Variants in PDZD8 observed in about 807,000 individuals in gnomAD.
PDZD8 encodes the protein PDZ domain-containing protein 8.
Under a neutral mutation model 85.8 loss-of-function variants are expected in PDZD8, and 14 were observed. The ratio of observed to expected loss-of-function variants is 0.16; its 90% CI spans 0.11 to 0.26. PDZD8 has a LOEUF of 0.26. Ranked by LOEUF, PDZD8 falls within the 10% of genes least tolerant of loss-of-function variation. The pLI is 1.00. For synonymous variants in PDZD8, 592 were observed against 568.6 expected (o/e 1.04, Z -0.59); for missense variants, 1,197 against 1,424.3 (o/e 0.84, Z 2.57).
In PDZD8 at chr10:117,280,510, TTTA is replaced by T. The variant is rs1430615425; in HGVS notation, c.*2755_*2757del. On this transcript the variant is annotated 3_prime_UTR_variant, in exon 5 of 5. Transcript: ENST00000334464. ...GATATTCTTGTTTTCTGTGGTAGTC[TTTA>T]TTATTATTTTTTAGCTATTGATACA... 1 of 152,206 alleles carries T rather than the reference TTTA, an allele frequency of 6.6e-6. No homozygotes were observed. Among genetic ancestry groups the T allele is most frequent in the South Asian group, 2.1e-4 (1 of 4,830 alleles). 9.4% of individuals were successfully genotyped at this position (152,206 alleles called of 1,614,324 possible). A position where few individuals can be genotyped will look rare whatever the true frequency, so the allele number is the denominator to read the frequency against.
At chr10:117,327,212 A>C (rs1448509756) in intron 2 of PDZD8, among the ~76,000 whole-genome samples, 2 of 152,208 alleles carry the variant, frequency 1.3e-5, no homozygotes, top group African/African-American at 4.8e-5. Context: ...TGAAAGTAGC[A>C]CTAATGCCCT....
rs1412985316 is a variant in PDZD8, at chr10:117,284,208, C to T, written c.2525G>A (p.Ser842Asn). Residue 842 changes from serine to asparagine, a missense_variant, in exon 5 of 5, where the codon AGT becomes AAT. This residue lies in a region of PDZD8 where 418 missense variants were observed against 571.1 expected (regional missense o/e 0.73). Coordinates refer to ENST00000334464, the MANE Select transcript of PDZD8 (RefSeq NM_173791.5). The stretch of plus-strand genomic sequence containing the variant: ...GTTCTGGAACTGAGTATCCTGAAAA[C>T]TGTGTTTGTTTTCTGTTAAACCCAT... ...GQMGLTENKH[S>N]FQDTQFQNPT... 1 of 1,614,188 alleles carries T rather than the reference C, an allele frequency of 6.2e-7. No homozygotes were observed. Among genetic ancestry groups the T allele is most frequent in the African/African-American group, 1.3e-5 (1 of 75,054 alleles).
intron 2 of PDZD8, among the ~76,000 whole-genome samples, chr10:117,330,513 A>C (rs1360211078): frequency 6.6e-6 from 1 of 152,200 alleles, no homozygotes; most frequent in Non-Finnish European, 1.5e-5. Flanking sequence ...ATGGATACAT[A>C]ACTCTCCTAC....
intron 2 of PDZD8, among the ~76,000 whole-genome samples, chr10:117,328,589 CTA>C (rs1031588067): frequency 1.3e-5 from 2 of 151,298 alleles, no homozygotes; most frequent in Non-Finnish European, 1.5e-5. Context: ...TTTTTTTTTT[CTA>C]TGTTTTTGTA....
chr10:117,331,554 CT>C (rs1420744943), intron 2 of PDZD8, among the ~76,000 whole-genome samples: 1 of 152,142 alleles, frequency 6.6e-6, no homozygotes, highest in African/African-American at 2.4e-5. Flanking sequence ...ATTAAAAGCA[CT>C]GATTATCAAA....
chr10:117,356,020 T>G (rs1844888485), intron 1 of PDZD8, among the ~76,000 whole-genome samples: 1 of 152,174 alleles, frequency 6.6e-6, no homozygotes, highest in African/African-American at 2.4e-5. Context: ...TTTTTCTCTT[T>G]TCTAAGACCA....
chr10:117,289,566 C>G (rs562172076), intron 4 of PDZD8, among the ~76,000 whole-genome samples: 4 of 152,312 alleles, frequency 2.6e-5, no homozygotes, highest in Non-Finnish European at 4.4e-5. Flanking sequence ...AGCAAATAAC[C>G]TGCTATCTTC....
chr10:117,339,419 G>C (rs936458752), intron 2 of PDZD8, among the ~76,000 whole-genome samples: 1 of 152,190 alleles, frequency 6.6e-6, no homozygotes, highest in African/African-American at 2.4e-5. Context: ...TCATGGAGCA[G>C]AGAAGGGGGC....
intron 3 of PDZD8, among the ~76,000 whole-genome samples, chr10:117,309,820 C>G (rs777734474): frequency 2.6e-5 from 4 of 152,144 alleles, no homozygotes; most frequent in Non-Finnish European, 4.4e-5. Flanking sequence ...TAAGAAGCAT[C>G]AGTCCCATTT....
Position 117,279,114 on chromosome 10 carries a change from TA to T in PDZD8, c.*4153del, listed in dbSNP as rs770149063. 4 of 152,218 alleles carry T rather than the reference TA, an allele frequency of 2.6e-5. No individual in the cohort carries two copies. Among genetic ancestry groups the T allele is most frequent in the Non-Finnish European group, 4.4e-5 (3 of 68,028 alleles). 9.4% of individuals were successfully genotyped at this position (152,218 alleles called of 1,614,324 possible). A position where few individuals can be genotyped will look rare whatever the true frequency, so the allele number is the denominator to read the frequency against. ...TGGTCCCTCGGGATAAGATAAAATA[TA>T]AATAAAACCTTCAGAACTGTTTTGG... On this transcript the variant is annotated 3_prime_UTR_variant, in exon 5 of 5. Coordinates refer to ENST00000334464, the MANE Select transcript of PDZD8 (RefSeq NM_173791.5).
intron 3 of PDZD8, among the ~76,000 whole-genome samples, chr10:117,302,868 CT>C (rs1415260390): frequency 6.6e-6 from 1 of 152,204 alleles, no homozygotes; most frequent in Non-Finnish European, 1.5e-5. Flanking sequence ...TAAGAAGTGC[CT>C]TTTGCCTCCT....
intron 1 of PDZD8, among the ~76,000 whole-genome samples, chr10:117,356,870 C>G (rs780214993): frequency 6.6e-6 from 1 of 152,164 alleles, no homozygotes; most frequent in Non-Finnish European, 1.5e-5. Flanking sequence ...GGAGTACACC[C>G]TGCTCCCCCT....
At chr10:117,295,479 T>A (rs1345359682) in intron 3 of PDZD8, among the ~76,000 whole-genome samples, 3 of 138,660 alleles carry the variant, frequency 2.2e-5, no homozygotes, top group African/African-American at 7.6e-5. Context: ...ATTAAATTCA[T>A]AATTATAAGC....
At chr10:117,325,561 C>G (rs1035124354) in intron 2 of PDZD8, among the ~76,000 whole-genome samples, 1 of 151,806 alleles carries the variant, frequency 6.6e-6, no homozygotes, top group Non-Finnish European at 1.5e-5. Flanking sequence ...TGCCACCATG[C>G]CTGGCTAATT....
At chr10:117,295,726 C>T (rs998887661) in intron 3 of PDZD8, among the ~76,000 whole-genome samples, 3 of 151,912 alleles carry the variant, frequency 2.0e-5, no homozygotes, top group Admixed American at 1.3e-4. Context: ...TGTAATTTAT[C>T]GTGTTAACAA....
chr10:117,303,190 T>C (rs1843876935), intron 3 of PDZD8, among the ~76,000 whole-genome samples: 1 of 152,300 alleles, frequency 6.6e-6, no homozygotes, highest in African/African-American at 2.4e-5. Flanking sequence ...GACAGCGACA[T>C]GGACAATAAG....
chr10:117,345,416 G>A (rs576620764), intron 1 of PDZD8, among the ~76,000 whole-genome samples: 1 of 152,234 alleles, frequency 6.6e-6, no homozygotes, highest in South Asian at 2.1e-4. Flanking sequence ...AATTTGACTG[G>A]AATAGTTTGT....
At chr10:117,334,255 T>C (rs1589573693) in intron 2 of PDZD8, among the ~76,000 whole-genome samples, 1 of 152,144 alleles carries the variant, frequency 6.6e-6, no homozygotes, top group Non-Finnish European at 1.5e-5. Context: ...CCCAGCACTT[T>C]GGGAGGTTGA....
At chr10:117,287,962 G>C (rs1844694909) in intron 4 of PDZD8, among the ~76,000 whole-genome samples, 1 of 152,044 alleles carries the variant, frequency 6.6e-6, no homozygotes, top group South Asian at 2.1e-4. Context: ...ATCTACAGTA[G>C]GCAAAAACTT....
Sources: gnomAD v4.1 joint callset for allele counts (sites outside exome capture counted in the v4.1 genomes callset) on GRCh38, gnomAD v4.1.1 for gene constraint, gnomAD v4.1.1 regional missense constraint, MANE v1.5 for transcripts, NCBI Gene and HGNC (gene_info 2026-07-23, HGNC 2026-07-21) for gene names.